Variants in EFCAB7 observed in about 807,000 individuals in gnomAD.
EFCAB7 encodes the protein EF-hand calcium binding domain 7.
A neutral mutation model predicts 77.1 loss-of-function variants in EFCAB7; 66 were observed. The ratio of observed to expected loss-of-function variants is 0.86; its 90% CI spans 0.70 to 1.05. The LOEUF (loss-of-function observed/expected upper bound fraction) is 1.05, where lower values mean the gene tolerates loss of function less well. Ranked by LOEUF, EFCAB7 falls within the 50% of genes least tolerant of loss-of-function variation. The probability of loss-of-function intolerance (pLI) is 0.00; values close to 1 mark genes in which losing one functional copy is unlikely to be tolerated. For missense variants in EFCAB7, 638 were observed against 730.5 expected, an observed-to-expected ratio of 0.87 and a Z score of 1.46; for synonymous variants, 225 against 243.3, an observed-to-expected ratio of 0.92 and a Z score of 0.70.
At chr1:63,562,434 G>T (rs1647113171) in intron 11 of EFCAB7, among the ~76,000 whole-genome samples, 1 of 102,726 alleles carries the variant, frequency 9.7e-6, no homozygotes, top group Non-Finnish European at 1.9e-5. Flanking sequence ...TAAAAATTAG[G>T]CCTTCTTAAT....
intron 10 of EFCAB7, among the ~76,000 whole-genome samples, chr1:63,560,987 T>C (rs1401364921): frequency 6.6e-6 from 1 of 152,224 alleles, no homozygotes; most frequent in East Asian, 1.9e-4. Flanking sequence ...TTCCCTGTTG[T>C]AGGATAGCTA....
At position 63,555,501 on chromosome 1, in the gene EFCAB7, T is replaced by A; in HGVS notation, c.1200T>A (p.Leu400=). The A allele has an allele frequency of 6.2e-7, 1 of 1,611,816 alleles. No individual in the cohort carries two copies. The highest frequency in any genetic ancestry group is 1.1e-5 in the South Asian group (1 of 90,888). Residue 400 remains leucine (L), a synonymous_variant, in exon 9 of 14, where the codon CTT becomes CTA. Coordinates refer to ENST00000371088, the MANE Select transcript of EFCAB7 (RefSeq NM_032437.4). ...GAGATGAAACAGGGGAATTATTCCT[T>A]ACAAAGGAATTTAAGTAAGTTTTGT... The part of the protein sequence containing the change: ...VYRDETGELF[L]TKEFKSTLSD...
intron 1 of EFCAB7, among the ~76,000 whole-genome samples, chr1:63,523,878 A>C (rs1472460923): frequency 6.6e-6 from 1 of 151,938 alleles, no homozygotes; most frequent in East Asian, 1.9e-4. Context: ...TTCTGTTTTC[A>C]CTTGGCCCTG....
At position 63,559,301 on chromosome 1, in the gene EFCAB7, C is replaced by CAAAA. The variant is rs71052490; in HGVS notation, c.1348+2075_1348+2078dup. Among the ~76,000 whole-genome samples the CAAAA allele has an allele frequency of 2.6e-3, 164 of 62,150 alleles. 4 individuals carry two copies. Among genetic ancestry groups the CAAAA allele is most frequent in the African/African-American group, 4.9e-3 (75 of 15,400 alleles). The allele number at this position is 62,150 out of a possible 152,430, so 40.8% of individuals were successfully genotyped here. On this transcript the variant is annotated intron_variant, in intron 10 of 13. Coordinates refer to ENST00000371088, the MANE Select transcript of EFCAB7 (RefSeq NM_032437.4). The stretch of plus-strand genomic sequence containing the variant: ...TGGGTGACAGAGTGAGACTCTGTCT[C>CAAAA]AAAAAAAAAAAAAAAAAAAAAAAAT...
chr1:63,533,622 A>C lies in EFCAB7; in HGVS notation c.655A>C (p.Thr219Pro), dbSNP rs200461926. 1 of 1,581,312 alleles carries C rather than the reference A, an allele frequency of 6.3e-7. No individual in the cohort carries two copies. Among genetic ancestry groups the C allele is most frequent in the Non-Finnish European group, 8.6e-7 (1 of 1,169,232 alleles). Residue 219 changes from threonine to proline, a missense_variant, in exon 5 of 14, where the codon ACT (threonine) becomes CCT (proline). By Grantham distance (38) the Thr-to-Pro change is conservative. Coordinates refer to ENST00000371088, the MANE Select transcript of EFCAB7 (RefSeq NM_032437.4). The stretch of plus-strand genomic sequence containing the variant: ...ACCATCACCTAAAATCACAAGAAAA[A>C]CTGATCCAGAAACATTCTTAAATAA... The part of the protein sequence containing the change: ...PKPSPKITRK[T>P]DPETFLNKGD...
chr1:63,556,284 A>G (rs1260324744), intron 9 of EFCAB7, among the ~76,000 whole-genome samples: 2 of 152,228 alleles, frequency 1.3e-5, no homozygotes, highest in Non-Finnish European at 2.9e-5. Context: ...TGATAAATAT[A>G]TGAGATAATG....
In EFCAB7 at chr1:63,545,127, C is replaced by T. The variant is rs564539900; in HGVS notation, c.805-789C>T. On this transcript the variant is annotated intron_variant, in intron 6 of 13. Transcript: ENST00000371088. ...AGAGACAGGGTTTCACCATGTTGGC[C>T]AGCCTGGTCTTGAACTCCTGATCTC... Among the ~76,000 whole-genome samples, 11 of 151,980 alleles carry T rather than the reference C, an allele frequency of 7.2e-5. No homozygotes were observed. The South Asian group carries it at 2.3e-3, about 32-fold the overall frequency.
downstream of EFCAB7, chr1:63,572,769 G>T (rs1435765701): frequency 1.5e-6 from 1 of 687,870 alleles, no homozygotes; most frequent in African/African-American, 2.0e-5. Flanking sequence ...TATTTCACCT[G>T]GGTGCAGGTG....
chr1:63,563,397 A>G (rs1647133277), intron 11 of EFCAB7, among the ~76,000 whole-genome samples: 1 of 152,250 alleles, frequency 6.6e-6, no homozygotes, highest in African/African-American at 2.4e-5. Flanking sequence ...ATTGCTTACT[A>G]TAAAGGAGAG....
At chr1:63,538,763 TTTAAG>T (rs1373439748) in intron 6 of EFCAB7, among the ~76,000 whole-genome samples, 1 of 152,160 alleles carries the variant, frequency 6.6e-6, no homozygotes, top group African/African-American at 2.4e-5. Context: ...GAAAAGAAAT[TTTAAG>T]TTGAGTAAGC....
chr1:63,558,321 A>G (rs1458076072), intron 10 of EFCAB7, among the ~76,000 whole-genome samples: 3 of 152,226 alleles, frequency 2.0e-5, no homozygotes, highest in Non-Finnish European at 4.4e-5. Context: ...TTTTAATTGA[A>G]TTGGCAGAGT....
chr1:63,528,052 A>G (rs985972740), intron 2 of EFCAB7: 3 of 152,290 alleles, frequency 2.0e-5, no homozygotes, highest in African/African-American at 7.2e-5. Flanking sequence ...TACAGCTACC[A>G]TAGGATCTAG....
chr1:63,584,437 G>A, the EFCAB7 span, among the ~76,000 whole-genome samples: 102 of 152,134 alleles, frequency 6.7e-4, no homozygotes, highest in African/African-American at 2.4e-3. Flanking sequence ...CTGTAGTCCC[G>A]GCTACTCATG....
chr1:63,532,082 G>A, intron 3 of EFCAB7, 51 bp downstream of exon 3: 1 of 1,406,726 alleles, frequency 7.1e-7, no homozygotes, highest in Non-Finnish European at 9.9e-7. Flanking sequence ...AAAACAGCTT[G>A]GAATCTAGCT....
intron 12 of EFCAB7, chr1:63,570,644 A>G (rs1647231565): frequency 6.5e-6 from 1 of 154,846 alleles, no homozygotes; most frequent in Admixed American, 6.5e-5. Context: ...TGTTTTAGAC[A>G]TATTAGTTGG....
At chr1:63,550,105 C>T (rs775233598) in intron 7 of EFCAB7, 2 of 152,348 alleles carry the variant, frequency 1.3e-5, no homozygotes, top group Non-Finnish European at 2.9e-5. Context: ...GCCAGTTTTA[C>T]ACTAAATATT....
At chr1:63,579,134 A>G in the EFCAB7 span, among the ~76,000 whole-genome samples, 1 of 152,134 alleles carries the variant, frequency 6.6e-6, no homozygotes, top group East Asian at 1.9e-4. Context: ...GTATAGATTC[A>G]TATAACCACC....
chr1:63,564,500 C>T (rs1647147294), intron 11 of EFCAB7, among the ~76,000 whole-genome samples: 1 of 152,114 alleles, frequency 6.6e-6, no homozygotes, highest in African/African-American at 2.4e-5. Context: ...GTACAGTGAA[C>T]AAGGGAGGCC....
intron 12 of EFCAB7, chr1:63,568,910 A>G (rs1172487877): frequency 1.9e-5 from 3 of 154,014 alleles, no homozygotes; most frequent in Non-Finnish European, 2.9e-5. Flanking sequence ...AGCGTTTTAC[A>G]CTAACGTTGC....
Sources: gnomAD v4.1 joint callset for allele counts (sites outside exome capture counted in the v4.1 genomes callset) on GRCh38, gnomAD v4.1.1 for gene constraint, MANE v1.5 for transcripts, NCBI Gene and HGNC (gene_info 2026-07-23, HGNC 2026-07-21) for gene names.